Variants in ADK observed in about 807,000 individuals in gnomAD.
The protein encoded by ADK is N6,N6-dimethyladenosine kinase.
A neutral mutation model predicts 44.7 loss-of-function variants in ADK; 24 were observed. The observed-to-expected ratio is 0.54, with a 90% CI of 0.39 to 0.76. The LOEUF (loss-of-function observed/expected upper bound fraction) is 0.76. Ranked by LOEUF, ADK falls within the 30% of genes least tolerant of loss-of-function variation. The probability of loss-of-function intolerance (pLI) is 0.00; values close to 1 mark genes in which losing one functional copy is unlikely to be tolerated. For synonymous variants in ADK, 128 were observed against 142.6 expected (o/e 0.90, Z 0.73); for missense variants, 321 against 425.1 (o/e 0.76, Z 2.15).
At chr10:74,387,900 C>A (rs1843197845) in intron 4 of ADK, among the ~76,000 whole-genome samples, 1 of 151,526 alleles carries the variant, frequency 6.6e-6, no homozygotes, top group Non-Finnish European at 1.5e-5. Flanking sequence ...CTTTTTATTT[C>A]TTTTTTTTCT....
rs11000989 is a variant in ADK at position 74,322,055 on chromosome 10, A to G, written c.273+7310A>G. On this transcript the variant is annotated intron_variant, in intron 4 of 10. Transcript: ENST00000539909. ...GGACTCATGTTGTTTATCTATTTTG[A>G]ATCCTTTTTTGAAAAAAGTTAATCT... 3.2e-4 allele frequency among the ~76,000 whole-genome samples: 49 copies of G among 152,340 alleles called. 1 individual carries two copies. In the East Asian group the frequency reaches 9.1e-3, roughly 28 times the overall value.
intron 4 of ADK, among the ~76,000 whole-genome samples, chr10:74,353,912 C>A (rs1842050541): frequency 6.6e-6 from 1 of 152,106 alleles, no homozygotes; most frequent in African/African-American, 2.4e-5. Context: ...TTATAGAGTT[C>A]TTTGAGAATT....
intron 1 of ADK, among the ~76,000 whole-genome samples, chr10:74,188,400 G>A (rs1483981314): frequency 4.1e-5 from 5 of 122,034 alleles, no homozygotes; most frequent in Non-Finnish European, 1.5e-5. Flanking sequence ...CCAGGCTGGA[G>A]TGCAGTGGCG....
At chr10:74,686,258 G>A (rs1855784663) in intron 10 of ADK, among the ~76,000 whole-genome samples, 1 of 152,148 alleles carries the variant, frequency 6.6e-6, no homozygotes, top group Admixed American at 6.5e-5. Context: ...ACTGCACCTG[G>A]CCCCAAAAGA....
intron 1 of ADK, among the ~76,000 whole-genome samples, chr10:74,166,963 G>A (rs1842052448): frequency 6.6e-6 from 1 of 152,196 alleles, no homozygotes; most frequent in Non-Finnish European, 1.5e-5. Flanking sequence ...CACCTGTTAA[G>A]TGAGTTGTAT....
chr10:74,565,121 G>A (rs1850609274), intron 7 of ADK, among the ~76,000 whole-genome samples: 1 of 152,164 alleles, frequency 6.6e-6, no homozygotes, highest in African/African-American at 2.4e-5. Flanking sequence ...TATAGTTTCT[G>A]GGACTGTAAA....
At chr10:74,380,179 T>C (rs186601310) in intron 4 of ADK, among the ~76,000 whole-genome samples, 3 of 152,320 alleles carry the variant, frequency 2.0e-5, no homozygotes, top group African/African-American at 7.2e-5. Context: ...GTGTGGAATC[T>C]CCATGAAAAT....
chr10:74,238,003 A>C (rs1271807884), intron 3 of ADK, among the ~76,000 whole-genome samples: 1 of 152,128 alleles, frequency 6.6e-6, no homozygotes, highest in Non-Finnish European at 1.5e-5. Flanking sequence ...CTGAGGTAGG[A>C]GAATCGCTTG....
intron 1 of ADK, among the ~76,000 whole-genome samples, chr10:74,197,984 A>G (rs1403905789): frequency 6.6e-6 from 1 of 152,160 alleles, no homozygotes; most frequent in African/African-American, 2.4e-5. Flanking sequence ...TGTTATTGTG[A>G]TGAAAATGTT....
intron 4 of ADK, among the ~76,000 whole-genome samples, chr10:74,331,825 T>C (rs561588761): frequency 6.6e-6 from 1 of 152,098 alleles, no homozygotes; most frequent in Non-Finnish European, 1.5e-5. Context: ...TTTGCTGTAG[T>C]TAGCTGGATC....
chr10:74,556,424 G>A (rs2133802245), intron 7 of ADK, among the ~76,000 whole-genome samples: 1 of 152,322 alleles, frequency 6.6e-6, no homozygotes, highest in Middle Eastern at 3.4e-3. Context: ...GCAATTGGCA[G>A]TAATATATTT....
At chr10:74,673,573 G>T (rs990175700) in intron 10 of ADK, among the ~76,000 whole-genome samples, 4 of 152,194 alleles carry the variant, frequency 2.6e-5, no homozygotes, top group African/African-American at 9.7e-5. Flanking sequence ...AAGGGAAGCT[G>T]CCCGTGACCC....
intron 6 of ADK, among the ~76,000 whole-genome samples, chr10:74,523,181 G>A (rs535882075): frequency 3.1e-4 from 47 of 152,272 alleles, no homozygotes; most frequent in African/African-American, 9.6e-4. Flanking sequence ...CAATAACTGA[G>A]TTGCTGTATA....
At chr10:74,439,930 A>G (rs971807148) in intron 6 of ADK, among the ~76,000 whole-genome samples, 2 of 151,952 alleles carry the variant, frequency 1.3e-5, no homozygotes, top group Non-Finnish European at 2.9e-5. Context: ...TAGGTTATAT[A>G]ATTTCTCCTT....
chr10:74,185,659 C>T lies in ADK; in HGVS notation c.66-15105C>T, dbSNP rs372963452. ...TATCCTGGCTAACACAGTGAAACCC[C>T]GTCTCTACTAAAAATACAAAAAAAA... is the stretch of plus-strand genomic sequence containing the variant. On this transcript the variant is annotated intron_variant, in intron 1 of 10. Transcript: ENST00000539909. 4.5e-3 allele frequency among the ~76,000 whole-genome samples: 669 copies of T among 148,512 alleles called. 6 individuals are homozygous for T. Among genetic ancestry groups the T allele is most frequent in the African/African-American group, 0.015 (611 of 40,600 alleles).
intron 3 of ADK, among the ~76,000 whole-genome samples, chr10:74,285,564 C>T (rs1040648345): frequency 1.8e-4 from 27 of 151,840 alleles, no homozygotes; most frequent in Non-Finnish European, 3.8e-4. Context: ...ATCTGTGGTC[C>T]CAGCTACTAA....
chr10:74,315,541 C>A (rs1485620413), intron 4 of ADK, among the ~76,000 whole-genome samples: 5 of 152,166 alleles, frequency 3.3e-5, no homozygotes, highest in African/African-American at 1.2e-4. Context: ...TTTTACATAC[C>A]TCTGGTTCTT....
intron 7 of ADK, chr10:74,551,377 A>G (rs1459580253): frequency 6.6e-6 from 1 of 152,470 alleles, no homozygotes; most frequent in Non-Finnish European, 1.5e-5. Context: ...AAATGTTAAC[A>G]ATAAAGAAAA....
chr10:74,596,766 C>CA (rs1370145648), intron 8 of ADK, among the ~76,000 whole-genome samples: 1 of 152,146 alleles, frequency 6.6e-6, no homozygotes, highest in African/African-American at 2.4e-5. Context: ...AGGCTAGTCT[C>CA]AAACTCCTAG....
Sources: gnomAD v4.1 joint callset for allele counts (sites outside exome capture counted in the v4.1 genomes callset) on GRCh38, gnomAD v4.1.1 for gene constraint, MANE v1.5 for transcripts, NCBI Gene and HGNC (gene_info 2026-07-23, HGNC 2026-07-21) for gene names.